GAD1: variants seen among roughly 807,000 people sequenced by gnomAD.
GAD1 encodes the protein 67 kDa glutamic acid decarboxylase.
A neutral mutation model predicts 75.2 loss-of-function variants in GAD1; 35 were observed. The ratio of observed to expected loss-of-function variants is 0.47; its 90% CI spans 0.36 to 0.62. The LOEUF is 0.62. Among genes scored for constraint, GAD1 ranks in the 20% least tolerant of loss-of-function variants. The pLI is 0.00. For synonymous variants in GAD1, 257 were observed against 271.9 expected (o/e 0.95, Z 0.54); for missense variants, 490 against 758.5 (o/e 0.65, Z 4.16).
chr2:170,856,733 T>A (rs1294345247), intron 14 of GAD1, among the ~76,000 whole-genome samples: 1 of 152,186 alleles, frequency 6.6e-6, no homozygotes, highest in Non-Finnish European at 1.5e-5. Flanking sequence ...AGTTCATAGA[T>A]GACACTTTGA....
chr2:170,831,680 TATA>T (rs923184947), intron 5 of GAD1, among the ~76,000 whole-genome samples: 8 of 142,050 alleles, frequency 5.6e-5, no homozygotes, highest in African/African-American at 7.7e-5. Context: ...AAATATTTAA[TATA>T]ATAAATAAAT....
chr2:170,829,059 C>T (rs1702149249), intron 3 of GAD1: 2 of 315,720 alleles, frequency 6.3e-6, no homozygotes, highest in Non-Finnish European at 1.2e-5. Flanking sequence ...CTCCTCCTAC[C>T]TCTGCTGTTC....
chr2:170,822,671 A>G (rs1701920652), intron 3 of GAD1, among the ~76,000 whole-genome samples: 1 of 152,210 alleles, frequency 6.6e-6, no homozygotes, highest in Non-Finnish European at 1.5e-5. Flanking sequence ...GTCGGGTCGC[A>G]TTGAAAGTGG....
chr2:170,832,529 A>G (rs1055346797), intron 5 of GAD1, among the ~76,000 whole-genome samples: 2 of 152,218 alleles, frequency 1.3e-5, no homozygotes, highest in Non-Finnish European at 2.9e-5. Context: ...TCACATTCAC[A>G]GGAACCAGGG....
chr2:170,845,570 G>A lies in GAD1; in HGVS notation c.816G>A (p.Lys272=). The change falls in exon 8 of 17, where the codon AAG becomes AAA. Residue 272 remains lysine (K), a synonymous_variant. Transcript: ENST00000358196. ...GCTACAAGTACTTCCCGGAAGTTAAGACAAAGGGCATGGCGGCTGTGCCTA... is the reference window on the plus strand; with the variant it reads ...GCTACAAGTACTTCCCGGAAGTTAAAACAAAGGGCATGGCGGCTGTGCCTA... ...AARYKYFPEV[K]TKGMAAVPKL... is the part of the protein sequence containing the mutation. The A allele has an allele frequency of 6.2e-7, 1 of 1,614,136 alleles. No homozygotes were observed. Among genetic ancestry groups the A allele is most frequent in the Non-Finnish European group, 8.5e-7 (1 of 1,180,024 alleles).
chr2:170,856,582 C>T (rs140665336), intron 14 of GAD1, among the ~76,000 whole-genome samples: 11 of 152,304 alleles, frequency 7.2e-5, no homozygotes, highest in African/African-American at 1.4e-4. Context: ...AATTTAAAAA[C>T]ATACAAAGAA....
At chr2:170,858,241 C>T (rs1056674102) in intron 15 of GAD1, among the ~76,000 whole-genome samples, 2 of 152,116 alleles carry the variant, frequency 1.3e-5, no homozygotes, top group African/African-American at 4.8e-5. Flanking sequence ...TCAAAAAGCA[C>T]AGGAATCTTT....
intron 6 of GAD1, among the ~76,000 whole-genome samples, chr2:170,840,522 A>G (rs923163719): frequency 2.5e-4 from 38 of 151,946 alleles, no homozygotes; most frequent in African/African-American, 8.5e-4. Flanking sequence ...ATTGTAGCAC[A>G]TGGCTCCCAT....
intron 12 of GAD1, among the ~76,000 whole-genome samples, chr2:170,849,911 A>G (rs1202510307): frequency 2.0e-5 from 3 of 152,222 alleles, no homozygotes; most frequent in Non-Finnish European, 4.4e-5. Context: ...AAAGGGCAGG[A>G]CACTCAGCTC....
chr2:170,820,435 G>A (rs1701842501), intron 2 of GAD1, among the ~76,000 whole-genome samples: 1 of 152,236 alleles, frequency 6.6e-6, no homozygotes, highest in African/African-American at 2.4e-5. Context: ...GCCTAGCTAC[G>A]CATCCGCACC....
chr2:170,858,950 A>G, intron 16 of GAD1, 57 bp downstream of exon 16: 1 of 1,449,696 alleles, frequency 6.9e-7, no homozygotes, highest in Non-Finnish European at 9.7e-7. Context: ...GCTGGTCAGG[A>G]CATCCTCATT....
chr2:170,838,151 A>C (rs1282573145), intron 6 of GAD1, among the ~76,000 whole-genome samples: 1 of 152,250 alleles, frequency 6.6e-6, no homozygotes, highest in African/African-American at 2.4e-5. Context: ...GTAAAAAAGC[A>C]TAAAAGATTA....
At chr2:170,823,488 C>T (rs1701945209) in intron 3 of GAD1, among the ~76,000 whole-genome samples, 2 of 152,170 alleles carry the variant, frequency 1.3e-5, no homozygotes, top group African/African-American at 2.4e-5. Context: ...CTAGACCCAG[C>T]CATTTTCCAC....
At chr2:170,837,500 G>A (rs1702405376) in intron 6 of GAD1, among the ~76,000 whole-genome samples, 1 of 152,204 alleles carries the variant, frequency 6.6e-6, no homozygotes, top group Non-Finnish European at 1.5e-5. Context: ...GTATGGGGTA[G>A]AAGTACTACC....
At position 170,859,924 on chromosome 2, in the gene GAD1, C is replaced by A; in HGVS notation, c.*42C>A. On this transcript the variant is annotated 3_prime_UTR_variant, in exon 17 of 17. Coordinates refer to ENST00000358196, the MANE Select transcript of GAD1 (RefSeq NM_000817.3). ...ATGAGTTTATGGGAATGCCTTTTCCCTCTGGCACTCCAGAACAAACCTCTA... is the reference window on the plus strand; with the variant it reads ...ATGAGTTTATGGGAATGCCTTTTCCATCTGGCACTCCAGAACAAACCTCTA... The A allele has an allele frequency of 1.3e-6, 2 of 1,583,858 alleles. No individual in the cohort carries two copies. The highest frequency in any genetic ancestry group is 4.5e-5 in the East Asian group (2 of 44,648).
chr2:170,830,203 A>G (rs747510519), intron 4 of GAD1, among the ~76,000 whole-genome samples: 1 of 152,222 alleles, frequency 6.6e-6, no homozygotes, highest in Non-Finnish European at 1.5e-5. Flanking sequence ...GGCAGACCAG[A>G]GTATTAAACA....
intron 5 of GAD1, among the ~76,000 whole-genome samples, chr2:170,831,850 G>A (rs976744954): frequency 6.7e-5 from 10 of 148,598 alleles, no homozygotes; most frequent in African/African-American, 2.0e-4. Context: ...TGGGCATGGT[G>A]GCGTGCACCT....
chr2:170,841,441 T>C (rs1282376741), intron 6 of GAD1, among the ~76,000 whole-genome samples: 1 of 152,154 alleles, frequency 6.6e-6, no homozygotes. Flanking sequence ...GGCTCACAAC[T>C]GTAATCTCAG....
chr2:170,813,257 TG>T (rs1211231758), upstream of GAD1: 1 of 152,230 alleles, frequency 6.6e-6, no homozygotes, highest in Non-Finnish European at 1.5e-5. Flanking sequence ...TCTGTTGGGA[TG>T]GGGGTGTGGA....
Sources: allele counts gnomAD v4.1 joint callset (sites outside exome capture counted in the v4.1 genomes callset), GRCh38; gene constraint gnomAD v4.1.1; transcripts MANE v1.5; gene names NCBI Gene and HGNC (gene_info 2026-07-23, HGNC 2026-07-21).